The following FOXRED2 variants were observed in gnomAD, a reference collection of about 807,000 sequenced individuals.
FOXRED2 encodes the protein FAD-dependent oxidoreductase domain-containing protein 2.
Under a neutral mutation model 52.5 loss-of-function variants are expected in FOXRED2, and 32 were observed. The observed-to-expected ratio is 0.61, with a 90% confidence interval of 0.46 to 0.82. The LOEUF (loss-of-function observed/expected upper bound fraction) is 0.82. Ranked by LOEUF, FOXRED2 falls within the 40% of genes least tolerant of loss-of-function variation. The probability of loss-of-function intolerance (pLI) is 0.00; values close to 1 mark genes in which losing one functional copy is unlikely to be tolerated. For synonymous variants in FOXRED2, 405 were observed against 398.1 expected, an observed-to-expected ratio of 1.02 and a Z score of -0.21; for missense variants, 848 against 937.5, an observed-to-expected ratio of 0.90 and a Z score of 1.25.
At position 36,493,617 on chromosome 22, in the gene FOXRED2, TG is replaced by T; in HGVS notation, c.1795+15del. ...CTGGAGCTCAGACCCTTTGTCTTTC[TG>T]GGAGCTTAAGTTACCTGCATAGAAG... On this transcript the variant is annotated intron_variant, in intron 8 of 8. Coordinates refer to ENST00000397224, the MANE Select transcript of FOXRED2 (RefSeq NM_001102371.2). The T allele has an allele frequency of 1.9e-6, 3 of 1,611,020 alleles. No individual in the cohort carries two copies. The highest frequency in any genetic ancestry group is 2.5e-6 in the Non-Finnish European group (3 of 1,177,812).
chr22:36,491,446 A>G (rs1298954921), intron 8 of FOXRED2, among the ~76,000 whole-genome samples: 12 of 151,890 alleles, frequency 7.9e-5, no homozygotes, highest in Admixed American at 7.9e-4. Flanking sequence ...TTGCCCAGGC[A>G]GGCTGGAGTA....
intron 1 of FOXRED2, 81 bp from the exon 2 acceptor site, chr22:36,506,504 C>T (rs947919637): frequency 2.3e-6 from 3 of 1,308,764 alleles, no homozygotes; most frequent in Admixed American, 6.1e-5. Flanking sequence ...GCGGGGCCTG[C>T]GGGAACTCTC....
chr22:36,489,733 G>A lies in FOXRED2; in HGVS notation c.*275C>T, dbSNP rs989292551. 19 of 370,342 alleles carry A rather than the reference G, an allele frequency of 5.1e-5. No individual in the cohort carries two copies. The highest frequency in any genetic ancestry group is 7.9e-5 in the Non-Finnish European group (16 of 203,462). The allele number at this position is 370,342 out of a possible 1,614,324, so 22.9% of individuals were successfully genotyped here. ...GAACTGGGCTGGCCTGGGGCTCAGC[G>A]ACAGCTCCATTGCAGACAAACTGGG... On this transcript the variant is annotated 3_prime_UTR_variant, in exon 9 of 9. Transcript: ENST00000397224.
chr22:36,500,635 G>A (rs1166572525), intron 5 of FOXRED2, among the ~76,000 whole-genome samples: 1 of 148,314 alleles, frequency 6.7e-6, no homozygotes, highest in Non-Finnish European at 1.5e-5. Context: ...CCAGGCTGGA[G>A]TGCAATGGTG....
Position 36,487,832 on chromosome 22 carries a change from C to T in FOXRED2, c.*2176G>A, listed in dbSNP as rs887882269. 3 of 152,200 alleles carry T rather than the reference C, an allele frequency of 2.0e-5. No individual in the cohort carries two copies. The highest frequency in any genetic ancestry group is 7.2e-5 in the African/African-American group (3 of 41,416). The allele number at this position is 152,200 out of a possible 1,614,324, so 9.4% of individuals were successfully genotyped here. On this transcript the variant is annotated 3_prime_UTR_variant, in exon 9 of 9. Coordinates refer to ENST00000397224, the MANE Select transcript of FOXRED2 (RefSeq NM_001102371.2). ...CTGGGCCGAGCGTGGTGGCTCATGC[C>T]TGTAATCCCAACACTTTAGGAGGCC...
rs2277842 is a variant in FOXRED2 at position 36,506,999 on chromosome 22, A to G, written c.-2+10T>C. The G allele has an allele frequency of 0.8, 121,372 of 152,404 alleles. 49,584 individuals carry two copies. Among genetic ancestry groups the G allele is most frequent in the African/African-American group, 0.89 (36,981 of 41,560 alleles). 9.4% of individuals were successfully genotyped at this position (152,404 alleles called of 1,614,324 possible). ...CCCGCCTCCGACCGAACCCTGAGAA[A>G]CGCGCGAACCTCCCAGCCGCTCCGG... On this transcript the variant is annotated intron_variant, in intron 1 of 8. Coordinates refer to ENST00000397224, the MANE Select transcript of FOXRED2 (RefSeq NM_001102371.2).
At chr22:36,505,093 A>G (rs912781488) in intron 2 of FOXRED2, among the ~76,000 whole-genome samples, 2 of 152,302 alleles carry the variant, frequency 1.3e-5, no homozygotes, top group Non-Finnish European at 2.9e-5. Flanking sequence ...TAGCAGTCAG[A>G]CCAGGTATGA....
In FOXRED2 at chr22:36,498,000, A is replaced by T. The variant is rs755770522; in HGVS notation, c.1373T>A (p.Leu458Gln). 4 of 1,613,850 alleles carry T rather than the reference A, an allele frequency of 2.5e-6. No individual in the cohort carries two copies. The South Asian group carries it at 4.4e-5, about 18-fold the overall frequency. ...GGGACGGGCTACTCACTCCTTCAAC[A>T]GGATGACATCGGCCAGCACACCGAA... ...QMFGVLADVILLKENSTAFEY... is the reference protein window; with the variant it reads ...QMFGVLADVIQLKENSTAFEY... The change falls in exon 6 of 9, where the codon CTG becomes CAG. Residue 458 changes from leucine to glutamine, a missense_variant. By Grantham distance (113) the Leu-to-Gln change is moderately radical. Coordinates refer to ENST00000397224, the MANE Select transcript of FOXRED2 (RefSeq NM_001102371.2).
At position 36,493,801 on chromosome 22, in the gene FOXRED2, G is replaced by A; in HGVS notation, c.1627C>T (p.Gln543Ter). 4 of 1,613,922 alleles carry A rather than the reference G, an allele frequency of 2.5e-6. No homozygotes were observed. The highest frequency in any genetic ancestry group is 3.4e-6 in the Non-Finnish European group (4 of 1,179,828). The change falls in exon 8 of 9, where the codon CAG becomes TAG. Residue 543 changes from glutamine to a stop codon, truncating the protein, a stop_gained and splice_region_variant. Coordinates refer to ENST00000397224, the MANE Select transcript of FOXRED2 (RefSeq NM_001102371.2). LOFTEE classifies it high-confidence loss of function. ...IYYYRYLPTE[Q>*]EVRFRPAHWP... Reference sequence around the variant, plus strand: ...TGTGCAGGGCGGAACCTCACCTCCTGTTCTGTGGGGAGGAGAGAGGGGGCC... The same window carrying A: ...TGTGCAGGGCGGAACCTCACCTCCTATTCTGTGGGGAGGAGAGAGGGGGCC...
intron 8 of FOXRED2, 116 bp downstream of exon 8, chr22:36,493,517 T>A: frequency 5.3e-6 from 4 of 757,356 alleles, no homozygotes; most frequent in Non-Finnish European, 8.6e-6. Flanking sequence ...TCGGGAACAG[T>A]AGTCTGGGGT....
chr22:36,489,436 G>GGGGAGGTTGAC lies in FOXRED2; in HGVS notation c.*571_*572insGTCAACCTCCC, dbSNP rs1933688528. ...GCTGAAAATGGGGCGGGGAGGTTGA[G>GGGGAGGTTGAC]GCAGTGTGTGGCAAGTGACACAGAC... On this transcript the variant is annotated 3_prime_UTR_variant, in exon 9 of 9. Transcript: ENST00000397224. The GGGGAGGTTGAC allele has an allele frequency of 6.6e-6, 1 of 152,248 alleles. No individual in the cohort carries two copies. Among genetic ancestry groups the GGGGAGGTTGAC allele is most frequent in the Non-Finnish European group, 1.5e-5 (1 of 68,066 alleles). 9.4% of individuals were successfully genotyped at this position (152,248 alleles called of 1,614,324 possible). A position where few individuals can be genotyped will look rare whatever the true frequency, so the allele number is the denominator to read the frequency against.
Position 36,488,674 on chromosome 22 carries a change from CG to C in FOXRED2, c.*1333del, listed in dbSNP as rs1297691529. On this transcript the variant is annotated 3_prime_UTR_variant, in exon 9 of 9. Transcript: ENST00000397224. ...TCGGCTCACTGCAACCTCTGCCTCC[CG>C]GGTTTAAGTGATTCTCCTGCCTCAG... 1.1e-4 allele frequency: 17 copies of C among 152,316 alleles called. No homozygotes were observed. The highest frequency in any genetic ancestry group is 4.1e-4 in the African/African-American group (17 of 41,546). The allele number at this position is 152,316 out of a possible 1,614,324, so 9.4% of individuals were successfully genotyped here.
At position 36,504,241 on chromosome 22, in the gene FOXRED2, G is replaced by T. The variant is rs766603509; in HGVS notation, c.906C>A (p.Phe302Leu). Residue 302 changes from phenylalanine (F) to leucine (L), a missense_variant, in exon 4 of 9, where the codon TTC (phenylalanine) becomes TTA (leucine). By Grantham distance (22) the Phe-to-Leu change is conservative (BLOSUM62 0). Coordinates refer to ENST00000397224, the MANE Select transcript of FOXRED2 (RefSeq NM_001102371.2). ...SKGKFHVTPK[F>L]FLEEANTNQS... ...GGTTGGTGTTGGCTTCTTCCAGGAAGAATTTCGGGGTGACATGGAACTTGC... is the reference window on the plus strand; with the variant it reads ...GGTTGGTGTTGGCTTCTTCCAGGAATAATTTCGGGGTGACATGGAACTTGC... 4 of 1,614,114 alleles carry T rather than the reference G, an allele frequency of 2.5e-6. No homozygotes were observed. The highest frequency in any genetic ancestry group is 2.7e-5 in the African/African-American group (2 of 74,944).
At chr22:36,490,327 A>G in intron 8 of FOXRED2, 60 bp from the exon 9 acceptor site, 1 of 1,515,706 alleles carries the variant, frequency 6.6e-7, no homozygotes, top group Non-Finnish European at 8.9e-7. Context: ...AGGGGTGCAG[A>G]AAGGGGAGCT....
chr22:36,495,840 G>T, intron 7 of FOXRED2, 127 bp downstream of exon 7: 1 of 1,037,548 alleles, frequency 9.6e-7, no homozygotes, highest in Non-Finnish European at 1.4e-6. Flanking sequence ...TGGTCTCTAG[G>T]CAGAGTCCCG....
At chr22:36,495,241 G>A (rs373177253) in intron 7 of FOXRED2, among the ~76,000 whole-genome samples, 3 of 152,092 alleles carry the variant, frequency 2.0e-5, no homozygotes, top group East Asian at 3.9e-4. Context: ...TTACAGTCAT[G>A]AGCCACCATG....
chr22:36,506,187 A>G lies in FOXRED2; in HGVS notation c.236T>C (p.Ile79Thr), dbSNP rs746507495. The part of the protein sequence containing the change: ...FTRYPRHRKL[I>T]SINKRYTGKA... ...GCCCGTGTACCGCTTGTTGATGCTGATGAGCTTGCGGTGCCGCGGGTAGCG... is the reference window on the plus strand; with the variant it reads ...GCCCGTGTACCGCTTGTTGATGCTGGTGAGCTTGCGGTGCCGCGGGTAGCG... Residue 79 changes from isoleucine to threonine, a missense_variant, in exon 2 of 9, where the codon ATC becomes ACC. Transcript: ENST00000397224. The G allele has an allele frequency of 1.2e-5, 20 of 1,614,070 alleles. No homozygotes were observed. In the South Asian group the frequency reaches 2.0e-4, roughly 16 times the overall value.
chr22:36,504,287 G>A lies in FOXRED2; in HGVS notation c.860C>T (p.Ala287Val), dbSNP rs1407626764. ...CTTGCCTTTGCTGTCCTTCAGGATG[G>A]CCAGATCCGTCAGGTCAGACTCGAG... is the stretch of plus-strand genomic sequence containing the variant. ...GLLESDLTDL[A>V]ILKDSKGKFH... Residue 287 changes from alanine (A) to valine (V), a missense_variant, in exon 4 of 9, where the codon GCC becomes GTC. By Grantham distance (64) the Ala-to-Val change is moderately conservative. Transcript: ENST00000397224. 3.1e-6 allele frequency: 5 copies of A among 1,614,184 alleles called. 1 individual carries two copies. In the South Asian group the frequency reaches 5.5e-5, roughly 18 times the overall value.
intron 8 of FOXRED2, among the ~76,000 whole-genome samples, chr22:36,492,324 G>A (rs1455231370): frequency 6.6e-6 from 1 of 152,196 alleles, no homozygotes; most frequent in Non-Finnish European, 1.5e-5. Context: ...ACAGAGGGAC[G>A]GCTGCCACTA....
Sources: gnomAD v4.1 joint callset for allele counts (sites outside exome capture counted in the v4.1 genomes callset) on GRCh38, gnomAD v4.1.1 for gene constraint, MANE v1.5 for transcripts, NCBI Gene and HGNC (gene_info 2026-07-23, HGNC 2026-07-21) for gene names.